Variants in PRELID2 observed in about 807,000 individuals in gnomAD.
The protein encoded by PRELID2 is PRELI domain-containing protein 2.
PRELID2 carries 25 observed loss-of-function variants against 28.4 expected under a neutral mutation model. The observed-to-expected ratio is 0.88, with a 90% CI of 0.64 to 1.23. The LOEUF (loss-of-function observed/expected upper bound fraction) is 1.23, where lower values mean the gene tolerates loss of function less well. PRELID2 is among the 50% of genes most tolerant of loss of function. The pLI is 0.00. For missense variants in PRELID2, 201 were observed against 214.4 expected (o/e 0.94, Z 0.39); for synonymous variants, 76 against 71.6 (o/e 1.06, Z -0.31).
At chr5:145,799,919 A>G (rs922878175) in intron 4 of PRELID2, among the ~76,000 whole-genome samples, 2 of 152,146 alleles carry the variant, frequency 1.3e-5, no homozygotes, top group South Asian at 2.1e-4. Context: ...CATTTTCACC[A>G]TAGTGCTTAC....
chr5:145,556,465 A>G (rs1277682750), intron 1 of PRELID2, among the ~76,000 whole-genome samples: 1 of 152,072 alleles, frequency 6.6e-6, no homozygotes, highest in Non-Finnish European at 1.5e-5. Flanking sequence ...AGTGCTATTT[A>G]TTTCTTTCCA....
the PRELID2 span, among the ~76,000 whole-genome samples, chr5:145,455,463 A>T: frequency 2.0e-5 from 3 of 152,078 alleles, no homozygotes; most frequent in South Asian, 6.2e-4. Context: ...TAAAATAGTT[A>T]TTTCTAACTC....
chr5:145,257,770 T>C, the PRELID2 span, among the ~76,000 whole-genome samples: 1 of 152,168 alleles, frequency 6.6e-6, no homozygotes, highest in Non-Finnish European at 1.5e-5. Context: ...AATGGGTCAA[T>C]TAGACAAGAA....
chr5:145,653,184 C>T lies in PRELID2; in HGVS notation n.70+111747G>A, dbSNP rs531608177. On this transcript the variant is annotated intron_variant and non_coding_transcript_variant, in intron 1 of 2. Transcript: ENST00000510259. ...TTACATAATGGTAAAGGGATCAATTCAACAAGAAGAGCTAACTATCCTAAA... is the reference window on the plus strand; with the variant it reads ...TTACATAATGGTAAAGGGATCAATTTAACAAGAAGAGCTAACTATCCTAAA... Among the ~76,000 whole-genome samples, 10 of 152,330 alleles carry T rather than the reference C, an allele frequency of 6.6e-5. No individual in the cohort carries two copies. The East Asian group carries it at 1.9e-3, about 29-fold the overall frequency.
chr5:145,334,904 T>C, the PRELID2 span, among the ~76,000 whole-genome samples: 1 of 152,116 alleles, frequency 6.6e-6, no homozygotes, highest in African/African-American at 2.4e-5. Flanking sequence ...CTTCCTGCTT[T>C]CAAAATTCTC....
chr5:145,708,153 C>G (rs1198680206), intron 1 of PRELID2, among the ~76,000 whole-genome samples: 6 of 152,080 alleles, frequency 3.9e-5, no homozygotes, highest in Admixed American at 3.9e-4. Flanking sequence ...CCGCTCTTCC[C>G]CTCCCCACCA....
intron 1 of PRELID2, among the ~76,000 whole-genome samples, chr5:145,599,992 C>T (rs1473780339): frequency 4.6e-5 from 7 of 151,990 alleles, no homozygotes. Context: ...AAAGAGAGCA[C>T]CAACAGAATG....
the PRELID2 span, among the ~76,000 whole-genome samples, chr5:145,320,610 G>T: frequency 3.3e-5 from 5 of 152,042 alleles, no homozygotes; most frequent in Non-Finnish European, 5.9e-5. Flanking sequence ...CATCATAATG[G>T]CATTCTCCAC....
At chr5:145,287,519 C>T in the PRELID2 span, among the ~76,000 whole-genome samples, 1 of 152,074 alleles carries the variant, frequency 6.6e-6, no homozygotes, top group Admixed American at 6.6e-5. Flanking sequence ...TTATAAATTG[C>T]TTATTTCTTA....
intron 1 of PRELID2, chr5:145,729,081 G>A (rs1756259048): frequency 1.7e-6 from 1 of 597,078 alleles, no homozygotes; most frequent in East Asian, 2.7e-5. Context: ...TAAGCAGAAT[G>A]TTTGCTTTCA....
At chr5:145,770,777 T>C (rs906796929) in intron 5 of PRELID2, among the ~76,000 whole-genome samples, 15 of 152,078 alleles carry the variant, frequency 9.9e-5, no homozygotes, top group Non-Finnish European at 4.4e-5. Flanking sequence ...AGAAAAAAGT[T>C]TCTAGAATAA....
chr5:145,551,269 C>G (rs541680623), intron 1 of PRELID2, among the ~76,000 whole-genome samples: 1 of 151,850 alleles, frequency 6.6e-6, no homozygotes, highest in Non-Finnish European at 1.5e-5. Context: ...GGTGTGGTGG[C>G]GCGTGTCTGT....
chr5:145,768,181 C>T (rs776768105), intron 5 of PRELID2, among the ~76,000 whole-genome samples: 16 of 143,698 alleles, frequency 1.1e-4, no homozygotes, highest in African/African-American at 2.4e-4. Context: ...GCCAAGAGCA[C>T]GCCACTGCAT....
the PRELID2 span, among the ~76,000 whole-genome samples, chr5:145,260,987 T>C: frequency 6.6e-6 from 1 of 151,928 alleles, no homozygotes; most frequent in Non-Finnish European, 1.5e-5. Context: ...ATGGTGGGAG[T>C]GAGATGCCTT....
chr5:145,526,818 T>C (rs1206400509), intron 1 of PRELID2, among the ~76,000 whole-genome samples: 1 of 152,178 alleles, frequency 6.6e-6, no homozygotes, highest in Non-Finnish European at 1.5e-5. Context: ...GAAAGATGAC[T>C]TCTGTTTTTT....
intron 1 of PRELID2, among the ~76,000 whole-genome samples, chr5:145,630,644 A>T (rs1222090508): frequency 6.6e-6 from 1 of 152,182 alleles, no homozygotes; most frequent in Non-Finnish European, 1.5e-5. Flanking sequence ...AGGATGCAAG[A>T]CCTTCTAAAA....
At chr5:145,267,477 T>C in the PRELID2 span, among the ~76,000 whole-genome samples, 1 of 152,194 alleles carries the variant, frequency 6.6e-6, no homozygotes, top group Non-Finnish European at 1.5e-5. Flanking sequence ...TTGTTGCAAA[T>C]GACAGACTCT....
chr5:145,556,923 G>A (rs919946751), intron 1 of PRELID2, among the ~76,000 whole-genome samples: 1 of 151,890 alleles, frequency 6.6e-6, no homozygotes, highest in African/African-American at 2.4e-5. Flanking sequence ...CTTTTTTCAG[G>A]GAAGCCTTTT....
intron 1 of PRELID2, among the ~76,000 whole-genome samples, chr5:145,623,186 C>T (rs921900492): frequency 5.3e-5 from 8 of 151,592 alleles, no homozygotes; most frequent in African/African-American, 9.7e-5. Context: ...AGTGGTGGCT[C>T]ATGCCTGTAA....
Sources: gnomAD v4.1 joint callset for allele counts (sites outside exome capture counted in the v4.1 genomes callset) on GRCh38, gnomAD v4.1.1 for gene constraint, MANE v1.5 for transcripts, NCBI Gene and HGNC (gene_info 2026-07-23, HGNC 2026-07-21) for gene names.